RIPOR3: variants seen among roughly 807,000 people sequenced by gnomAD.
RIPOR3 encodes the protein family with sequence similarity 65 member C.
Under a neutral mutation model 114.3 loss-of-function variants are expected in RIPOR3, and 95 were observed. The observed-to-expected ratio is 0.83, with a 90% confidence interval of 0.70 to 0.99. The LOEUF is 0.99. Among genes scored for constraint, RIPOR3 ranks in the 50% least tolerant of loss-of-function variants. The pLI is 0.00. For missense variants in RIPOR3, 1,252 were observed against 1,266.9 expected, an observed-to-expected ratio of 0.99 and a Z score of 0.18; for synonymous variants, 575 against 543.8, an observed-to-expected ratio of 1.06 and a Z score of -0.80.
chr20:50,652,532 A>C (rs2085645872), intron 1 of RIPOR3, among the ~76,000 whole-genome samples: 1 of 141,556 alleles, frequency 7.1e-6, no homozygotes, highest in African/African-American at 2.6e-5. Flanking sequence ...TGGAGGTTGC[A>C]GTGAGCCGAG....
intron 11 of RIPOR3, among the ~76,000 whole-genome samples, chr20:50,607,095 G>A (rs2083750667): frequency 1.3e-5 from 2 of 152,066 alleles, no homozygotes; most frequent in South Asian, 2.1e-4. Context: ...CTCCTTTTCT[G>A]CATTTTGTTC....
intron 17 of RIPOR3, among the ~76,000 whole-genome samples, chr20:50,594,131 C>T (rs2083205322): frequency 6.6e-6 from 1 of 152,054 alleles, no homozygotes; most frequent in African/African-American, 2.4e-5. Context: ...AGAAAATTAG[C>T]CAAGCGTGGT....
intron 1 of RIPOR3, among the ~76,000 whole-genome samples, chr20:50,681,285 AACATAT>A (rs1428238643): frequency 1.3e-5 from 2 of 151,356 alleles, no homozygotes; most frequent in Non-Finnish European, 1.5e-5. Context: ...GAAAAAAAAA[AACATAT>A]AATGAGGCTT....
chr20:50,634,161 T>C (rs1334362028), intron 1 of RIPOR3, among the ~76,000 whole-genome samples: 2 of 151,946 alleles, frequency 1.3e-5, no homozygotes, highest in Non-Finnish European at 2.9e-5. Context: ...TTTGTATTCA[T>C]TGTAGAGATA....
At chr20:50,641,756 AG>A (rs2085205490) in intron 1 of RIPOR3, among the ~76,000 whole-genome samples, 1 of 152,166 alleles carries the variant, frequency 6.6e-6, no homozygotes, top group Non-Finnish European at 1.5e-5. Context: ...ACTGAAACTG[AG>A]GGTTTTATCT....
At position 50,594,666 on chromosome 20, in the gene RIPOR3, C is replaced by CCT. The variant is rs2083228706; in HGVS notation, c.2097_2098dup (p.Gly700GlufsTer18). On this transcript the variant is annotated frameshift_variant, in exon 17 of 22. Coordinates refer to ENST00000327979, the MANE Select transcript of RIPOR3 (RefSeq NM_001290268.2). LOFTEE classifies it high-confidence loss of function. The stretch of plus-strand genomic sequence containing the variant: ...CAGGACCCTGCCAGGCCCTGTGCAC[C>CCT]CTCTCCACAGCTTCAGGCACCCCTT... The CCT allele has an allele frequency of 6.2e-7, 1 of 1,613,508 alleles. No individual in the cohort carries two copies. The highest frequency in any genetic ancestry group is 1.3e-5 in the African/African-American group (1 of 74,854).
At chr20:50,650,024 G>A (rs2085545729) in intron 1 of RIPOR3, among the ~76,000 whole-genome samples, 1 of 152,172 alleles carries the variant, frequency 6.6e-6, no homozygotes, top group Non-Finnish European at 1.5e-5. Flanking sequence ...AAGCTGGTGG[G>A]TCGGGGAGTG....
intron 1 of RIPOR3, among the ~76,000 whole-genome samples, chr20:50,680,363 G>A (rs749396697): frequency 1.3e-5 from 2 of 152,200 alleles, no homozygotes; most frequent in Non-Finnish European, 2.9e-5. Flanking sequence ...GGTTGGGGGT[G>A]GAGGAAGGAA....
intron 16 of RIPOR3, 160 bp downstream of exon 16, chr20:50,595,209 C>G (rs976176552): frequency 2.2e-6 from 2 of 912,540 alleles, no homozygotes; most frequent in Non-Finnish European, 3.3e-6. Flanking sequence ...CCTTACCTCC[C>G]CACAAAGAGT....
At chr20:50,632,464 G>A (rs917040963) in intron 1 of RIPOR3, among the ~76,000 whole-genome samples, 1 of 152,226 alleles carries the variant, frequency 6.6e-6, no homozygotes, top group African/African-American at 2.4e-5. Flanking sequence ...TAAGCCAGGT[G>A]ACCCAGGGAG....
chr20:50,617,112 A>AG lies in RIPOR3; in HGVS notation c.270-1033_270-1032insC, dbSNP rs2084205036. Among the ~76,000 whole-genome samples the AG allele has an allele frequency of 9.2e-5, 14 of 152,094 alleles. No homozygotes were observed. The South Asian group carries it at 2.9e-3, about 32-fold the overall frequency. On this transcript the variant is annotated intron_variant, in intron 3 of 21. Transcript: ENST00000327979. Reference sequence around the variant, plus strand: ...AGCCGAGATTGCACCACTGCACCCCACCTGGGCAACAGAGCGAGACTTCAT... The same window carrying AG: ...AGCCGAGATTGCACCACTGCACCCCAGCCTGGGCAACAGAGCGAGACTTCAT...
intron 13 of RIPOR3, among the ~76,000 whole-genome samples, chr20:50,600,664 G>A (rs143013539): frequency 1.3e-5 from 2 of 152,294 alleles, no homozygotes; most frequent in South Asian, 2.1e-4. Flanking sequence ...GGAGGCTGAG[G>A]GGGGAGGATC....
At chr20:50,686,380 T>G (rs2087025079) in intron 1 of RIPOR3, among the ~76,000 whole-genome samples, 1 of 151,876 alleles carries the variant, frequency 6.6e-6, no homozygotes, top group South Asian at 2.1e-4. Flanking sequence ...TTAACAGGGG[T>G]GGCCCAGGGT....
At chr20:50,657,082 A>G (rs2085836800) in intron 1 of RIPOR3, among the ~76,000 whole-genome samples, 1 of 152,224 alleles carries the variant, frequency 6.6e-6, no homozygotes, top group Non-Finnish European at 1.5e-5. Context: ...GATTACCTAC[A>G]GATGTGTATG....
intron 1 of RIPOR3, among the ~76,000 whole-genome samples, chr20:50,684,980 A>C (rs2086966923): frequency 6.6e-6 from 1 of 152,132 alleles, no homozygotes; most frequent in Non-Finnish European, 1.5e-5. Flanking sequence ...AGGTCTTGCT[A>C]TGTTGACCAG....
intron 1 of RIPOR3, among the ~76,000 whole-genome samples, chr20:50,664,768 T>C (rs2086123768): frequency 2.0e-5 from 3 of 151,854 alleles, no homozygotes; most frequent in African/African-American, 7.3e-5. Flanking sequence ...TAGGAAAGGG[T>C]GCTGTGTCTG....
rs1036315122 is a variant in RIPOR3, at chr20:50,599,466, A to G, written c.1660-1756T>C. Among the ~76,000 whole-genome samples the G allele has an allele frequency of 5.3e-5, 8 of 152,264 alleles. No homozygotes were observed. The East Asian group carries it at 1.3e-3, about 26-fold the overall frequency. ...TCAACAGCCAGCATCGCTACAACTC[A>G]TGCCTGAAGGAAGCTCATCTAACAC... On this transcript the variant is annotated intron_variant, in intron 13 of 21. Transcript: ENST00000327979.
At position 50,655,794 on chromosome 20, in the gene RIPOR3, G is replaced by A. The variant is rs536480038; in HGVS notation, c.4-24938C>T. 7.8e-4 allele frequency among the ~76,000 whole-genome samples: 118 copies of A among 151,600 alleles called. No homozygotes were observed. The Middle Eastern group carries it at 0.02, about 26-fold the overall frequency. ...CTTTAACCAGAAAAAAGATGAACAC[G>A]AACTGAGTTCGTGGCATGAGGCACG... On this transcript the variant is annotated intron_variant, in intron 1 of 21. Transcript: ENST00000327979.
At chr20:50,610,338 C>T (rs1188836465) in intron 6 of RIPOR3, among the ~76,000 whole-genome samples, 1 of 152,108 alleles carries the variant, frequency 6.6e-6, no homozygotes, top group Non-Finnish European at 1.5e-5. Context: ...GGAATCTGTC[C>T]CTTCACCTCC....
Sources: gnomAD v4.1 joint callset for allele counts (sites outside exome capture counted in the v4.1 genomes callset) on GRCh38, gnomAD v4.1.1 for gene constraint, MANE v1.5 for transcripts, NCBI Gene and HGNC (gene_info 2026-07-23, HGNC 2026-07-21) for gene names.